Variants in PKHD1L1 observed in about 807,000 individuals in gnomAD.
PKHD1L1 encodes fibrocystin-L.
A neutral mutation model predicts 462.9 loss-of-function variants in PKHD1L1; 434 were observed. That is an observed-to-expected ratio of 0.94 (90% CI 0.87 to 1.02). The LOEUF (loss-of-function observed/expected upper bound fraction) is 1.02, where lower values mean the gene tolerates loss of function less well. PKHD1L1 is among the 50% of genes least tolerant of loss of function. The pLI, the probability that PKHD1L1 is intolerant of heterozygous loss-of-function variation, is 0.00. For synonymous variants in PKHD1L1, 1,781 were observed against 1,750.0 expected, an observed-to-expected ratio of 1.02 and a Z score of -0.44; for missense variants, 5,202 against 5,096.1, an observed-to-expected ratio of 1.02 and a Z score of -0.63.
At chr8:109,450,089 C>G (rs1158009575) in intron 40 of PKHD1L1, among the ~76,000 whole-genome samples, 2 of 152,098 alleles carry the variant, frequency 1.3e-5, no homozygotes, top group South Asian at 2.1e-4. Context: ...CTGAGGAGTT[C>G]CTGAATCTCA....
In PKHD1L1 at chr8:109,466,718, C is replaced by G. The variant is rs1220721541; in HGVS notation, c.8554C>G (p.Pro2852Ala). 6.2e-7 allele frequency: 1 copy of G among 1,612,932 alleles called. No individual in the cohort carries two copies. The highest frequency in any genetic ancestry group is 8.5e-7 in the Non-Finnish European group (1 of 1,179,520). The change falls in exon 50 of 78, where the codon CCT becomes GCT. Residue 2852 changes from proline (P) to alanine (A), a missense_variant. Pro to Ala is a conservative substitution (Grantham distance 27). This residue lies in a region of PKHD1L1 where 4,497 missense variants were observed against 4,336.8 expected (regional missense o/e 1.04). Transcript: ENST00000378402. Reference sequence around the variant, plus strand: ...CTTTCACCGTTTAGCGTTCAACCAGCCTTCTCCAGTATCTCTGCTTGAAAA... The same window carrying G: ...CTTTCACCGTTTAGCGTTCAACCAGGCTTCTCCAGTATCTCTGCTTGAAAA... ...VSFHRLAFNQ[P>A]SPVSLLEKDV...
intron 38 of PKHD1L1, among the ~76,000 whole-genome samples, chr8:109,446,137 G>A (rs1239697585): frequency 1.3e-5 from 2 of 152,038 alleles, no homozygotes; most frequent in Non-Finnish European, 2.9e-5. Flanking sequence ...TATAAAATAC[G>A]ATTTTCTTAA....
intron 76 of PKHD1L1, among the ~76,000 whole-genome samples, chr8:109,525,341 C>G (rs1414550171): frequency 6.6e-6 from 1 of 152,210 alleles, no homozygotes; most frequent in Non-Finnish European, 1.5e-5. Context: ...CTAACAGACA[C>G]TGGGACATAT....
At chr8:109,511,726 G>A (rs1351222274) in intron 71 of PKHD1L1, among the ~76,000 whole-genome samples, 1 of 152,038 alleles carries the variant, frequency 6.6e-6, no homozygotes. Context: ...GGGATGGCTG[G>A]GTCAAATGGT....
intron 23 of PKHD1L1, among the ~76,000 whole-genome samples, chr8:109,421,779 G>T (rs1406633922): frequency 6.6e-6 from 1 of 151,494 alleles, no homozygotes; most frequent in East Asian, 1.9e-4. Context: ...GCGAGACTCT[G>T]TCTCAAAAAA....
In PKHD1L1 at chr8:109,399,637, T is replaced by C. The variant is rs143007278; in HGVS notation, c.1013-439T>C. Among the ~76,000 whole-genome samples, 984 of 152,262 alleles carry C rather than the reference T, an allele frequency of 6.5e-3. 7 individuals carry two copies. The highest frequency in any genetic ancestry group is 0.051 in the Middle Eastern group (15 of 294). On this transcript the variant is annotated intron_variant, in intron 12 of 77. Transcript: ENST00000378402. ...CAATTTCTCTTCTCTGATTAATGGC[T>C]TTGTAAGCCATTAATTTACTTTTGT... is the stretch of plus-strand genomic sequence containing the variant.
intron 23 of PKHD1L1, among the ~76,000 whole-genome samples, chr8:109,420,986 A>C (rs958609760): frequency 2.6e-5 from 4 of 152,070 alleles, no homozygotes; most frequent in Admixed American, 6.6e-5. Flanking sequence ...AACATCCTGA[A>C]ACAGATATTA....
At chr8:109,475,653 A>T (rs1394179458) in intron 51 of PKHD1L1, among the ~76,000 whole-genome samples, 2 of 151,672 alleles carry the variant, frequency 1.3e-5, no homozygotes, top group Non-Finnish European at 2.9e-5. Context: ...TCTGGCCAAC[A>T]TGGAGAAACC....
At chr8:109,513,001 T>A (rs1820075732) in intron 71 of PKHD1L1, among the ~76,000 whole-genome samples, 1 of 152,126 alleles carries the variant, frequency 6.6e-6, no homozygotes, top group African/African-American at 2.4e-5. Context: ...TCTGTTTGTC[T>A]GTTATTGGTG....
chr8:109,397,146 T>C (rs1813018867), intron 11 of PKHD1L1, among the ~76,000 whole-genome samples: 1 of 152,214 alleles, frequency 6.6e-6, no homozygotes, highest in African/African-American at 2.4e-5. Flanking sequence ...CTTATGTTTA[T>C]TTTGCATACG....
At chr8:109,383,310 A>G (rs1359330439) in intron 4 of PKHD1L1, among the ~76,000 whole-genome samples, 3 of 108,984 alleles carry the variant, frequency 2.8e-5, no homozygotes, top group Non-Finnish European at 5.1e-5. Flanking sequence ...ATACAATTAT[A>G]CATAATATAT....
chr8:109,365,748 G>T (rs964073340), intron 2 of PKHD1L1, among the ~76,000 whole-genome samples: 1 of 152,184 alleles, frequency 6.6e-6, no homozygotes, highest in Non-Finnish European at 1.5e-5. Context: ...GCCCAAGACC[G>T]GTGGATCACG....
At chr8:109,379,015 G>GC (rs968595444) in intron 2 of PKHD1L1, among the ~76,000 whole-genome samples, 22 of 152,250 alleles carry the variant, frequency 1.4e-4, no homozygotes, top group African/African-American at 5.3e-4. Context: ...CAGTGCTAGC[G>GC]CATTGGGCCC....
Position 109,526,951 on chromosome 8 carries a change from T to G in PKHD1L1, c.12652T>G (p.Cys4218Gly). The change falls in exon 77 of 78, where the codon TGT becomes GGT. Residue 4218 changes from cysteine to glycine, a missense_variant. Physicochemically the swap from Cys to Gly is radical, Grantham distance 159. Transcript: ENST00000378402. ...CCAGATAATGACTGTAGTAATTAGC[T>G]GTCTGGTTGGAAGAATGTGGCTCTT... ...YAQIMTVVIS[C>G]LVGRMWLLEI... 3.1e-6 allele frequency: 5 copies of G among 1,613,890 alleles called. No homozygotes were observed. Among genetic ancestry groups the G allele is most frequent in the Non-Finnish European group, 4.2e-6 (5 of 1,179,844 alleles).
chr8:109,425,330 T>C (rs1814688442), intron 24 of PKHD1L1, 98 bp downstream of exon 24: 4 of 773,850 alleles, frequency 5.2e-6, no homozygotes, highest in South Asian at 4.7e-5. Flanking sequence ...TTACTACTTA[T>C]TGATACATAC....
Position 109,433,104 on chromosome 8 carries a change from A to T in PKHD1L1, c.3230-2A>T. On this transcript the variant is annotated splice_acceptor_variant, in intron 27 of 77. Coordinates refer to ENST00000378402, the MANE Select transcript of PKHD1L1 (RefSeq NM_177531.6). LOFTEE classifies it high-confidence loss of function. ...ATTGTTATTTAAATTGATCATTTTT[A>T]GGGTCCTATGAAGAAGGCACAATTC... 6.3e-7 allele frequency: 1 copy of T among 1,585,802 alleles called. No homozygotes were observed. The highest frequency in any genetic ancestry group is 8.6e-7 in the Non-Finnish European group (1 of 1,160,506).
At chr8:109,432,655 T>A (rs992882525) in intron 27 of PKHD1L1, among the ~76,000 whole-genome samples, 2 of 152,180 alleles carry the variant, frequency 1.3e-5, no homozygotes, top group African/African-American at 4.8e-5. Flanking sequence ...CTTTGAGATG[T>A]GTATCACCAT....
At chr8:109,378,951 G>A (rs1405797922) in intron 2 of PKHD1L1, among the ~76,000 whole-genome samples, 1 of 149,456 alleles carries the variant, frequency 6.7e-6, no homozygotes, top group Non-Finnish European at 1.5e-5. Context: ...AGAGGAGATG[G>A]AATAAACAGA....
rs1002189210 is a variant in PKHD1L1 at position 109,491,069 on chromosome 8, A to T, written c.10082A>T (p.Asp3361Val). The change falls in exon 61 of 78, where the codon GAT becomes GTT. Residue 3361 changes from aspartate to valine, a missense_variant. Coordinates refer to ENST00000378402, the MANE Select transcript of PKHD1L1 (RefSeq NM_177531.6). ...GVFGTDGLDI[D>V]DNIIHFTVGE... ...TTTGGGACAGATGGATTGGACATAG[A>T]TGACAACATCATTCACTTTACAGTG... The T allele has an allele frequency of 6.2e-7, 1 of 1,609,500 alleles. No homozygotes were observed. The highest frequency in any genetic ancestry group is 1.3e-5 in the African/African-American group (1 of 74,716).
Sources: gnomAD v4.1 joint callset for allele counts (sites outside exome capture counted in the v4.1 genomes callset) on GRCh38, gnomAD v4.1.1 for gene constraint, gnomAD v4.1.1 regional missense constraint, MANE v1.5 for transcripts, NCBI Gene and HGNC (gene_info 2026-07-23, HGNC 2026-07-21) for gene names.